Variants in BTBD9 observed in about 807,000 individuals in gnomAD.
BTBD9 encodes the protein BTB/POZ domain-containing protein 9.
In BTBD9, 49 loss-of-function variants were observed where a neutral mutation model predicts 64.3. That is an observed-to-expected ratio of 0.76 (90% CI 0.61 to 0.97). The LOEUF is 0.97. Among genes scored for constraint, BTBD9 ranks in the 50% least tolerant of loss-of-function variants. The pLI is 0.00. For missense variants in BTBD9, 598 were observed against 762.1 expected (o/e 0.78, Z 2.53); for synonymous variants, 260 against 274.7 (o/e 0.95, Z 0.53).
At chr6:38,208,803 A>G (rs1229869212) in intron 9 of BTBD9, among the ~76,000 whole-genome samples, 1 of 152,186 alleles carries the variant, frequency 6.6e-6, no homozygotes, top group African/African-American at 2.4e-5. Flanking sequence ...TGTCCATTCA[A>G]CAACTATTTA....
chr6:38,412,668 G>A (rs1277597812), intron 6 of BTBD9, among the ~76,000 whole-genome samples: 3 of 151,992 alleles, frequency 2.0e-5, no homozygotes, highest in East Asian at 1.9e-4. Context: ...AGACCAGCCT[G>A]GTGAACAGGG....
At chr6:38,544,160 A>G (rs1774419979) in intron 6 of BTBD9, among the ~76,000 whole-genome samples, 1 of 152,210 alleles carries the variant, frequency 6.6e-6, no homozygotes, top group Non-Finnish European at 1.5e-5. Flanking sequence ...TTACAGTATA[A>G]CAACTATTTA....
At chr6:38,528,861 G>A (rs557602973) in intron 6 of BTBD9, among the ~76,000 whole-genome samples, 3 of 152,250 alleles carry the variant, frequency 2.0e-5, no homozygotes, top group African/African-American at 7.2e-5. Flanking sequence ...ATTCCCAGCT[G>A]TGGTGGATAC....
At chr6:38,586,864 A>C (rs1434851578) in intron 4 of BTBD9, among the ~76,000 whole-genome samples, 2 of 151,916 alleles carry the variant, frequency 1.3e-5, no homozygotes, top group Non-Finnish European at 2.9e-5. Context: ...GGAGTTCAAG[A>C]CCAGCCTGGC....
intron 1 of BTBD9, among the ~76,000 whole-genome samples, chr6:38,603,098 C>T (rs1777313990): frequency 1.3e-5 from 2 of 152,122 alleles, no homozygotes; most frequent in Non-Finnish European, 2.9e-5. Context: ...GTAATGTATT[C>T]ACTCAAACTG....
chr6:38,244,234 G>A (rs1309902730), intron 9 of BTBD9, among the ~76,000 whole-genome samples: 1 of 152,156 alleles, frequency 6.6e-6, no homozygotes, highest in Admixed American at 6.5e-5. Context: ...TCCCTTGTCT[G>A]TACACCCATT....
At chr6:38,199,043 G>A (rs1762367519) in intron 9 of BTBD9, among the ~76,000 whole-genome samples, 1 of 152,166 alleles carries the variant, frequency 6.6e-6, no homozygotes, top group East Asian at 1.9e-4. Flanking sequence ...GGAAAAAGGA[G>A]CAGGTGCACT....
intron 8 of BTBD9, among the ~76,000 whole-genome samples, chr6:38,285,526 G>T (rs1357956250): frequency 6.6e-6 from 1 of 152,030 alleles, no homozygotes; most frequent in Non-Finnish European, 1.5e-5. Context: ...CGGTGGTGGG[G>T]AGGGAGGTGT....
At chr6:38,469,426 C>T (rs1770538252) in intron 6 of BTBD9, among the ~76,000 whole-genome samples, 1 of 149,612 alleles carries the variant, frequency 6.7e-6, no homozygotes, top group African/African-American at 2.5e-5. Flanking sequence ...TCCAGCAATT[C>T]TCCTGCTTCA....
chr6:38,399,705 G>T (rs926536370), intron 6 of BTBD9, among the ~76,000 whole-genome samples: 18 of 152,134 alleles, frequency 1.2e-4, no homozygotes, highest in Middle Eastern at 3.4e-3. Context: ...TTTGCAGCTA[G>T]GAGTAGCCAT....
At chr6:38,453,373 T>G (rs1034093614) in intron 6 of BTBD9, among the ~76,000 whole-genome samples, 1 of 152,216 alleles carries the variant, frequency 6.6e-6, no homozygotes, top group Non-Finnish European at 1.5e-5. Context: ...CTGGGAAACC[T>G]CCACATTTGC....
intron 7 of BTBD9, among the ~76,000 whole-genome samples, chr6:38,335,564 C>CT (rs537536923): frequency 1.2e-3 from 173 of 147,240 alleles, no homozygotes; most frequent in African/African-American, 3.4e-3. Flanking sequence ...CCAGGTAGTT[C>CT]TTTTTTTTTT....
chr6:38,583,212 C>CA (rs1265896095), intron 4 of BTBD9, among the ~76,000 whole-genome samples: 1 of 152,182 alleles, frequency 6.6e-6, no homozygotes, highest in East Asian at 1.9e-4. Context: ...AAAACTAAGC[C>CA]AAAGGCTGGG....
chr6:38,287,109 T>TACACACACACACACAC (rs70981534), intron 8 of BTBD9, among the ~76,000 whole-genome samples: 1 of 87,000 alleles, frequency 1.1e-5, no homozygotes, highest in Non-Finnish European at 2.0e-5. Context: ...AAAAAAAATA[T>TACACACACACACACAC]ACACACACAC....
At chr6:38,424,756 A>G (rs1408687376) in intron 6 of BTBD9, among the ~76,000 whole-genome samples, 1 of 151,894 alleles carries the variant, frequency 6.6e-6, no homozygotes, top group Non-Finnish European at 1.5e-5. Context: ...ACCTCAGGTG[A>G]TCCACCTGCC....
chr6:38,389,465 T>A lies in BTBD9; in HGVS notation c.1155-44372A>T, dbSNP rs143436705. ...CACCAGTAAACACGTATGAAGCACC[T>A]GCACTACACATACAGCCCCATGCTG... On this transcript the variant is annotated intron_variant, in intron 6 of 10. Transcript: ENST00000481247. Among the ~76,000 whole-genome samples the A allele has an allele frequency of 8.7e-4, 133 of 152,334 alleles. 1 individual carries two copies. The East Asian group carries it at 0.023, about 27-fold the overall frequency.
chr6:38,555,422 T>G (rs1462685475), intron 6 of BTBD9, among the ~76,000 whole-genome samples: 1 of 152,218 alleles, frequency 6.6e-6, no homozygotes, highest in Admixed American at 6.5e-5. Context: ...AATTCCATAG[T>G]GAATGTGGAA....
chr6:38,470,242 G>A (rs1424649593), intron 6 of BTBD9, among the ~76,000 whole-genome samples: 7 of 152,176 alleles, frequency 4.6e-5, no homozygotes, highest in Admixed American at 2.6e-4. Flanking sequence ...AAATAACCAC[G>A]GGAGGACAGA....
chr6:38,593,852 C>T lies in BTBD9; in HGVS notation c.549+112G>A, dbSNP rs1052309083. 93 of 1,005,510 alleles carry T rather than the reference C, an allele frequency of 9.2e-5. No homozygotes were observed. The Middle Eastern group carries it at 1.5e-3, about 16-fold the overall frequency. 62.3% of individuals were successfully genotyped at this position (1,005,510 alleles called of 1,614,324 possible). ...CTAGACCAGATAACCAATGATAACG[C>T]TTTGATACCAATGATTTTTTTTATT... is the stretch of plus-strand genomic sequence containing the variant. On this transcript the variant is annotated intron_variant, in intron 3 of 10. Coordinates refer to ENST00000481247, the MANE Select transcript of BTBD9 (RefSeq NM_001099272.2).
Sources: allele counts gnomAD v4.1 joint callset (sites outside exome capture counted in the v4.1 genomes callset), GRCh38; gene constraint gnomAD v4.1.1; transcripts MANE v1.5; gene names NCBI Gene and HGNC (gene_info 2026-07-23, HGNC 2026-07-21).